The following CWH43 variants were observed in gnomAD, a reference collection of about 807,000 sequenced individuals.
CWH43 encodes the protein PGAP2-interacting protein.
Under a neutral mutation model 85.7 loss-of-function variants are expected in CWH43, and 91 were observed. The observed-to-expected ratio is 1.06, with a 90% confidence interval of 0.90 to 1.26. CWH43 has a LOEUF of 1.26. Ranked by LOEUF, CWH43 falls within the 50% of genes most tolerant of loss-of-function variation. The pLI is 0.00. For synonymous variants in CWH43, 323 were observed against 293.6 expected, an observed-to-expected ratio of 1.10 and a Z score of -1.02; for missense variants, 869 against 839.2, an observed-to-expected ratio of 1.04 and a Z score of -0.44.
chr4:48,997,844 G>A (rs1217205870), intron 5 of CWH43, among the ~76,000 whole-genome samples: 2 of 152,166 alleles, frequency 1.3e-5, no homozygotes, highest in Non-Finnish European at 2.9e-5. Context: ...TGCATGCTAT[G>A]GTTTTGAGCT....
intron 15 of CWH43, among the ~76,000 whole-genome samples, chr4:49,059,956 C>T (rs780698199): frequency 6.6e-6 from 1 of 152,110 alleles, no homozygotes; most frequent in African/African-American, 2.4e-5. Context: ...CCCATGGAGC[C>T]TAGGCCTCCT....
intron 15 of CWH43, among the ~76,000 whole-genome samples, chr4:49,054,978 C>G (rs945490170): frequency 9.2e-5 from 14 of 151,670 alleles, no homozygotes; most frequent in African/African-American, 3.4e-4. Flanking sequence ...TTTTTCCTTT[C>G]CAATTTAGAT....
intron 8 of CWH43, among the ~76,000 whole-genome samples, chr4:49,012,093 G>A (rs1223518604): frequency 4.6e-5 from 7 of 152,080 alleles, no homozygotes; most frequent in Non-Finnish European, 8.8e-5. Context: ...CATTCTCCCC[G>A]TCACTTTCAG....
At chr4:49,028,879 T>A (rs971045937) in intron 10 of CWH43, 145 bp downstream of exon 10, 1 of 579,716 alleles carries the variant, frequency 1.7e-6, no homozygotes, top group Non-Finnish European at 3.0e-6. Context: ...TCAAAAATGC[T>A]TTACTTTGGC....
chr4:49,010,431 T>C (rs1783317584), intron 8 of CWH43, among the ~76,000 whole-genome samples: 1 of 152,212 alleles, frequency 6.6e-6, no homozygotes, highest in East Asian at 1.9e-4. Flanking sequence ...AACCACCTCC[T>C]GGATTCATTG....
Position 49,050,866 on chromosome 4 carries a change from T to C in CWH43, c.2021+17T>C. ...TAATCCCAGGTGAGTTCCTTTATGC[T>C]GTAGTTCCAGTTATGAGCTACTGCA... On this transcript the variant is annotated intron_variant, in intron 15 of 15. Coordinates refer to ENST00000226432, the MANE Select transcript of CWH43 (RefSeq NM_025087.3). The C allele has an allele frequency of 6.3e-7, 1 of 1,593,990 alleles. No homozygotes were observed. The highest frequency in any genetic ancestry group is 1.1e-5 in the South Asian group (1 of 88,522).
chr4:49,001,870 C>T (rs544157536), intron 6 of CWH43, among the ~76,000 whole-genome samples: 21 of 151,828 alleles, frequency 1.4e-4, no homozygotes, highest in African/African-American at 2.4e-4. Flanking sequence ...CATTGTAAGC[C>T]GTAAGTAAGA....
chr4:49,006,832 T>A (rs557102556), intron 7 of CWH43, among the ~76,000 whole-genome samples: 1 of 152,296 alleles, frequency 6.6e-6, no homozygotes, highest in South Asian at 2.1e-4. Context: ...CTCAACCTGG[T>A]GCACGGAAGG....
intron 4 of CWH43, among the ~76,000 whole-genome samples, chr4:48,993,707 A>G (rs148590134): frequency 2.6e-5 from 4 of 152,284 alleles, no homozygotes; most frequent in East Asian, 3.9e-4. Context: ...TTCCTAGGTT[A>G]TCTTTACTAG....
intron 6 of CWH43, among the ~76,000 whole-genome samples, chr4:48,999,143 C>T (rs571962543): frequency 2.6e-5 from 4 of 152,170 alleles, no homozygotes; most frequent in Non-Finnish European, 5.9e-5. Flanking sequence ...GTGCTCTCAT[C>T]ATTCAGCTCC....
chr4:49,039,973 C>T (rs924712482), intron 13 of CWH43, among the ~76,000 whole-genome samples: 8 of 151,980 alleles, frequency 5.3e-5, no homozygotes, highest in Non-Finnish European at 1.0e-4. Context: ...TCAGTTCCCA[C>T]CAATGAGTGA....
rs745342025 is a variant in CWH43 at position 49,044,876 on chromosome 4, A to C, written c.1865+29A>C. 58 of 1,577,408 alleles carry C rather than the reference A, an allele frequency of 3.7e-5. 1 individual carries two copies. In the East Asian group the frequency reaches 9.2e-4, roughly 25 times the overall value. ...AGCACAGGGGTTTGATTTTGTTTTT[A>C]ATCTATTATTAATGTGATCTTTTGG... On this transcript the variant is annotated intron_variant, in intron 14 of 15. Coordinates refer to ENST00000226432, the MANE Select transcript of CWH43 (RefSeq NM_025087.3).
chr4:48,988,370 A>G lies in CWH43; in HGVS notation c.44-107A>G, dbSNP rs572172477. On this transcript the variant is annotated intron_variant, in intron 1 of 15. Coordinates refer to ENST00000226432, the MANE Select transcript of CWH43 (RefSeq NM_025087.3). ...CTGGAACCCAGTTCAGGCCAGAGTC[A>G]TGAAGAAGAATGACCAGCCCAAGCG... 36 of 774,256 alleles carry G rather than the reference A, an allele frequency of 4.6e-5. No individual in the cohort carries two copies. In the South Asian group the frequency reaches 6.6e-4, roughly 14 times the overall value. The allele number at this position is 774,256 out of a possible 1,614,324, so 48.0% of individuals were successfully genotyped here.
At chr4:49,017,992 T>C (rs796240142) in intron 9 of CWH43, among the ~76,000 whole-genome samples, 3 of 152,076 alleles carry the variant, frequency 2.0e-5, no homozygotes, top group African/African-American at 7.2e-5. Context: ...TGTGCCACCA[T>C]GCCCGGCTAA....
At chr4:49,036,308 G>A (rs1178826590) in intron 12 of CWH43, among the ~76,000 whole-genome samples, 1 of 152,174 alleles carries the variant, frequency 6.6e-6, no homozygotes, top group African/African-American at 2.4e-5. Flanking sequence ...AAAGGACAGA[G>A]GATGAATGTG....
At chr4:49,014,840 T>G (rs1317629952) in intron 8 of CWH43, among the ~76,000 whole-genome samples, 1 of 151,970 alleles carries the variant, frequency 6.6e-6, no homozygotes, top group East Asian at 1.9e-4. Context: ...CTCACCAGAA[T>G]GATACATTTG....
intron 13 of CWH43, among the ~76,000 whole-genome samples, 186 bp downstream of exon 13, chr4:49,038,366 T>C (rs541555405): frequency 2.0e-5 from 3 of 152,206 alleles, no homozygotes; most frequent in African/African-American, 7.2e-5. Flanking sequence ...GAATCTCCAA[T>C]GTGGACAGGG....
chr4:49,013,456 G>A (rs1277036843), intron 8 of CWH43, among the ~76,000 whole-genome samples: 1 of 152,238 alleles, frequency 6.6e-6, no homozygotes. Context: ...CCCGGGTGAG[G>A]TGATGCCACG....
chr4:49,020,321 T>A (rs1783701895), intron 9 of CWH43, among the ~76,000 whole-genome samples: 1 of 151,704 alleles, frequency 6.6e-6, no homozygotes, highest in African/African-American at 2.4e-5. Flanking sequence ...GGTCTCCAAT[T>A]CCATCCAGGT....
Sources: gnomAD v4.1 joint callset for allele counts (sites outside exome capture counted in the v4.1 genomes callset) on GRCh38, gnomAD v4.1.1 for gene constraint, MANE v1.5 for transcripts, NCBI Gene and HGNC (gene_info 2026-07-23, HGNC 2026-07-21) for gene names.